TMPRSS9: variants seen among roughly 807,000 people sequenced by gnomAD.
TMPRSS9 encodes transmembrane protease serine 9.
TMPRSS9 carries 113 observed loss-of-function variants against 111.4 expected under a neutral mutation model. That is an observed-to-expected ratio of 1.01 (90% CI 0.87 to 1.19). The LOEUF is 1.19. TMPRSS9 is among the 50% of genes most tolerant of loss of function. The probability of loss-of-function intolerance (pLI) is 0.00; values close to 1 mark genes in which losing one functional copy is unlikely to be tolerated. For missense variants in TMPRSS9, 1,803 were observed against 1,513.1 expected (o/e 1.19, Z -3.18); for synonymous variants, 805 against 659.1 (o/e 1.22, Z -3.39).
chr19:2,362,718 T>G (rs1970210659), intron 1 of TMPRSS9, among the ~76,000 whole-genome samples: 1 of 151,900 alleles, frequency 6.6e-6, no homozygotes, highest in African/African-American at 2.4e-5. Context: ...GTATGTGAGA[T>G]TTGTGGAGTT....
chr19:2,413,447 T>C (rs1363860157), intron 9 of TMPRSS9, among the ~76,000 whole-genome samples: 1 of 152,212 alleles, frequency 6.6e-6, no homozygotes, highest in African/African-American at 2.4e-5. Context: ...GGGTCACGTT[T>C]TGGCCTGCCA....
At chr19:2,398,715 C>T in intron 2 of TMPRSS9, 80 bp from the exon 4 acceptor site, 2 of 1,049,250 alleles carry the variant, frequency 1.9e-6, no homozygotes, top group South Asian at 2.7e-5. Flanking sequence ...CCAGCTCCCT[C>T]CAACACCTGA....
intron 4 of TMPRSS9, among the ~76,000 whole-genome samples, chr19:2,400,026 G>T (rs1490849057): frequency 6.6e-6 from 1 of 152,190 alleles, no homozygotes; most frequent in Non-Finnish European, 1.5e-5. Context: ...CACGTGCCCA[G>T]TTAATATTTT....
chr19:2,402,770 TAAATA>T (rs1235260863), intron 5 of TMPRSS9, among the ~76,000 whole-genome samples: 25 of 149,400 alleles, frequency 1.7e-4, no homozygotes, highest in Middle Eastern at 3.4e-3. Flanking sequence ...AAAATAAAAA[TAAATA>T]AAATAAATAG....
At chr19:2,411,400 C>CTCTTTT (rs756207648) in intron 9 of TMPRSS9, among the ~76,000 whole-genome samples, 32 of 100,708 alleles carry the variant, frequency 3.2e-4, no homozygotes, top group East Asian at 1.7e-3. Flanking sequence ...TCTTCTTCTT[C>CTCTTTT]TTTTTTTTTT....
intron 10 of TMPRSS9, among the ~76,000 whole-genome samples, 155 bp from the exon 12 acceptor site, chr19:2,415,515 G>C (rs1971209716): frequency 6.6e-6 from 1 of 152,164 alleles, no homozygotes; most frequent in Non-Finnish European, 1.5e-5. Flanking sequence ...GCAAACTACG[G>C]ACACCTTGAA....
At chr19:2,392,030 C>G (rs12609083) in intron 1 of TMPRSS9, among the ~76,000 whole-genome samples, 83,629 of 151,586 alleles carry the variant, frequency 0.55, 23,705 homozygotes, top group Middle Eastern at 0.68. Context: ...ACATGAGCCA[C>G]CACGCCCCAT....
At chr19:2,379,626 T>TTTCTTTCTTTCTTTCTTTC (rs1568170756) in intron 1 of TMPRSS9, among the ~76,000 whole-genome samples, 2 of 139,856 alleles carry the variant, frequency 1.4e-5, no homozygotes, top group Admixed American at 1.4e-4. Context: ...TCTTTCTTTC[T>TTTCTTTCTTTCTTTCTTTC]TTCTTTCTTT....
intron 9 of TMPRSS9, among the ~76,000 whole-genome samples, chr19:2,413,042 G>C (rs985510067): frequency 4.6e-5 from 7 of 151,912 alleles, no homozygotes; most frequent in Admixed American, 1.3e-4. Context: ...AAAAATACAA[G>C]AAATTAGCCG....
intron 9 of TMPRSS9, among the ~76,000 whole-genome samples, chr19:2,412,689 G>A (rs947418984): frequency 1.3e-5 from 2 of 152,050 alleles, no homozygotes; most frequent in African/African-American, 4.8e-5. Context: ...GAGTCTTCAT[G>A]GTTTCTGGTC....
chr19:2,420,653 T>C (rs1402937765), intron 13 of TMPRSS9, among the ~76,000 whole-genome samples: 1 of 152,168 alleles, frequency 6.6e-6, no homozygotes, highest in African/African-American at 2.4e-5. Flanking sequence ...CTTCAACTAC[T>C]GTGTGACCCC....
Position 2,412,644 on chromosome 19 carries a change from G to A in TMPRSS9, c.1255-1056G>A, listed in dbSNP as rs567583387. ...TCTTGTGTCTTGAGCTTCTGCACAT[G>A]GGCTGGGCTGCCACTTCCTCTGTCA... On this transcript the variant is annotated intron_variant, in intron 9 of 17. Coordinates refer to ENST00000648592, the Ensembl canonical transcript of TMPRSS9. 9.9e-5 allele frequency among the ~76,000 whole-genome samples: 15 copies of A among 152,174 alleles called. No individual in the cohort carries two copies. The East Asian group carries it at 2.9e-3, about 29-fold the overall frequency.
intron 10 of TMPRSS9, among the ~76,000 whole-genome samples, chr19:2,414,907 A>C (rs1163054249): frequency 6.7e-6 from 1 of 149,392 alleles, no homozygotes; most frequent in Non-Finnish European, 1.5e-5. Flanking sequence ...GTAGGACTAT[A>C]TCTCTGTTTC....
At chr19:2,390,519 A>G (rs1422190500) in intron 1 of TMPRSS9, among the ~76,000 whole-genome samples, 1 of 148,596 alleles carries the variant, frequency 6.7e-6, no homozygotes. Flanking sequence ...CTGGGATTAC[A>G]GGCATGAGCC....
chr19:2,420,003 T>A (rs7260542), intron 13 of TMPRSS9, among the ~76,000 whole-genome samples: 33,378 of 150,774 alleles, frequency 0.22, 3,938 homozygotes, highest in African/African-American at 0.3. Flanking sequence ...TACAAAAATT[T>A]AAAAAAAAAA....
chr19:2,378,388 C>T (rs971012978), intron 1 of TMPRSS9, among the ~76,000 whole-genome samples: 24 of 152,254 alleles, frequency 1.6e-4, no homozygotes, highest in African/African-American at 5.5e-4. Flanking sequence ...TAAGTGTTGA[C>T]GGGACACTGT....
At chr19:2,395,810 A>AT (rs1970693969) in intron 1 of TMPRSS9, among the ~76,000 whole-genome samples, 1 of 152,166 alleles carries the variant, frequency 6.6e-6, no homozygotes, top group African/African-American at 2.4e-5. Context: ...GATAGAGACC[A>AT]TCCTGGCTAA....
At chr19:2,414,201 T>C (rs1049747857) in intron 10 of TMPRSS9, 183 bp downstream of exon 11, 38 of 627,398 alleles carry the variant, frequency 6.1e-5, no homozygotes, top group Non-Finnish European at 9.4e-5. Context: ...TCCACAGGTC[T>C]TGCCCATGTC....
At chr19:2,426,014 C>G (rs779424273) in exon 18 of TMPRSS9, 1 of 1,607,812 alleles carries the variant, frequency 6.2e-7, no homozygotes, top group Admixed American at 1.7e-5. Flanking sequence ...TGGCTGTGGC[C>G]GGCCCCACTT....
Sources: gnomAD v4.1 joint callset for allele counts (sites outside exome capture counted in the v4.1 genomes callset) on GRCh38, gnomAD v4.1.1 for gene constraint, MANE v1.5 for transcripts, NCBI Gene and HGNC (gene_info 2026-07-23, HGNC 2026-07-21) for gene names.